PKHD1: variants seen among roughly 807,000 people sequenced by gnomAD.
The protein encoded by PKHD1 is fibrocystin.
In PKHD1, 291 loss-of-function variants were observed where a neutral mutation model predicts 412.0. That is an observed-to-expected ratio of 0.71 (90% CI 0.64 to 0.78). PKHD1 has a LOEUF of 0.78. Ranked by LOEUF, PKHD1 falls within the 30% of genes least tolerant of loss-of-function variation. The probability of loss-of-function intolerance (pLI) is 0.00; values close to 1 mark genes in which losing one functional copy is unlikely to be tolerated. For missense variants in PKHD1, 4,825 were observed against 4,950.7 expected, an observed-to-expected ratio of 0.97 and a Z score of 0.76; for synonymous variants, 1,777 against 1,821.5, an observed-to-expected ratio of 0.98 and a Z score of 0.62.
intron 37 of PKHD1, among the ~76,000 whole-genome samples, chr6:51,913,840 T>TA (rs1038664051): frequency 6.6e-6 from 1 of 152,158 alleles, no homozygotes; most frequent in South Asian, 2.1e-4. Context: ...AATTTTGTCT[T>TA]AAAAAAATGT....
chr6:51,836,373 A>G lies in PKHD1; in HGVS notation c.8173+31T>C, dbSNP rs769654510. 47 of 1,426,456 alleles carry G rather than the reference A, an allele frequency of 3.3e-5. 1 individual carries two copies. The highest frequency in any genetic ancestry group is 3.4e-5 in the South Asian group (3 of 87,380). The allele number at this position is 1,426,456 out of a possible 1,614,324, so 88.4% of individuals were successfully genotyped here. A position where few individuals can be genotyped will look rare whatever the true frequency, so the allele number is the denominator to read the frequency against. On this transcript the variant is annotated intron_variant, in intron 51 of 66. Coordinates refer to ENST00000371117, the MANE Select transcript of PKHD1 (RefSeq NM_138694.4). ...CTACTGGAGGACATTCTGCCATACT[A>G]GACACTTCTACTTCGTGTGTTAATA...
chr6:52,080,355 A>G (rs1252262708), intron 4 of PKHD1, among the ~76,000 whole-genome samples: 1 of 152,166 alleles, frequency 6.6e-6, no homozygotes, highest in Non-Finnish European at 1.5e-5. Flanking sequence ...AAACTAAGAG[A>G]CTTATGTGTA....
rs1244994793 is a variant in PKHD1 at position 51,615,785 on chromosome 6, G to A, written c.*3296C>T. 1 of 152,172 alleles carries A rather than the reference G, an allele frequency of 6.6e-6. No individual in the cohort carries two copies. Among genetic ancestry groups the A allele is most frequent in the Non-Finnish European group, 1.5e-5 (1 of 68,046 alleles). 9.4% of individuals were successfully genotyped at this position (152,172 alleles called of 1,614,324 possible). ...TTGTTGAAAGGGGAAGGCCCTGAGA[G>A]AGCTCAACTGTTCTTGGTCCTTGGT... is the stretch of plus-strand genomic sequence containing the variant. On this transcript the variant is annotated 3_prime_UTR_variant, in exon 67 of 67. Transcript: ENST00000371117.
intron 60 of PKHD1, among the ~76,000 whole-genome samples, chr6:51,688,062 T>C (rs1168875026): frequency 6.6e-6 from 1 of 152,224 alleles, no homozygotes; most frequent in East Asian, 1.9e-4. Context: ...ACATTTTCAC[T>C]CTGATGTACA....
chr6:51,639,617 C>A (rs527495374), intron 63 of PKHD1, among the ~76,000 whole-genome samples: 3 of 152,024 alleles, frequency 2.0e-5, no homozygotes, highest in Admixed American at 6.6e-5. Context: ...AAAACCCTTG[C>A]GTCTTCTAAC....
chr6:51,948,916 C>A (rs1346628279), intron 36 of PKHD1, among the ~76,000 whole-genome samples: 2 of 152,210 alleles, frequency 1.3e-5, no homozygotes, highest in African/African-American at 4.8e-5. Flanking sequence ...GTGTGTCAAA[C>A]CCTTAATGCC....
intron 52 of PKHD1, among the ~76,000 whole-genome samples, chr6:51,815,052 C>T (rs1765235096): frequency 6.6e-6 from 1 of 152,188 alleles, no homozygotes; most frequent in Non-Finnish European, 1.5e-5. Context: ...CGGCCACCCT[C>T]CATCCACCCT....
At chr6:51,896,645 C>G (rs370471952) in intron 43 of PKHD1, among the ~76,000 whole-genome samples, 1 of 151,996 alleles carries the variant, frequency 6.6e-6, no homozygotes, top group Non-Finnish European at 1.5e-5. Context: ...TCACCAGCAA[C>G]GGAACAAAGC....
chr6:52,081,850 C>T (rs1046471466), intron 4 of PKHD1, among the ~76,000 whole-genome samples: 1 of 152,008 alleles, frequency 6.6e-6, no homozygotes, highest in South Asian at 2.1e-4. Context: ...ACTTTATTTA[C>T]TCATGCCTAA....
rs185131725 is a variant in PKHD1, at chr6:51,791,444, C to A, written c.8303-71G>T. Reference sequence around the variant, plus strand: ...ATTACGTGTTTATTCTGGGGTTCTCCCAGCAGTTTGGGAGCTGTGTACAGT... The same window carrying A: ...ATTACGTGTTTATTCTGGGGTTCTCACAGCAGTTTGGGAGCTGTGTACAGT... On this transcript the variant is annotated intron_variant, in intron 52 of 66. Transcript: ENST00000371117. 2.8e-5 allele frequency: 41 copies of A among 1,449,750 alleles called. No individual in the cohort carries two copies. The African/African-American group carries it at 3.8e-4, about 13-fold the overall frequency. The allele number at this position is 1,449,750 out of a possible 1,614,324, so 89.8% of individuals were successfully genotyped here. A position where few individuals can be genotyped will look rare whatever the true frequency, so the allele number is the denominator to read the frequency against.
intron 35 of PKHD1, among the ~76,000 whole-genome samples, chr6:51,976,936 A>G (rs1794519943): frequency 9.1e-6 from 1 of 110,442 alleles, no homozygotes; most frequent in South Asian, 3.9e-4. Context: ...TGATAGAGTG[A>G]GACTCCATAA....
chr6:51,624,132 C>G (rs1190880253), intron 66 of PKHD1, among the ~76,000 whole-genome samples: 1 of 151,994 alleles, frequency 6.6e-6, no homozygotes, highest in Non-Finnish European at 1.5e-5. Flanking sequence ...TCATAGCTCA[C>G]TGCAGCCTCA....
chr6:51,783,398 ATATT>A (rs1487374627), intron 53 of PKHD1, among the ~76,000 whole-genome samples: 1 of 148,310 alleles, frequency 6.7e-6, no homozygotes, highest in Non-Finnish European at 1.5e-5. Flanking sequence ...TTTAAATACT[ATATT>A]TATTTTATAT....
In PKHD1 at chr6:52,028,156, C is replaced by T. The variant is rs907890578; in HGVS notation, c.3560G>A (p.Gly1187Glu). 3 of 1,613,600 alleles carry T rather than the reference C, an allele frequency of 1.9e-6. No individual in the cohort carries two copies. The highest frequency in any genetic ancestry group is 1.3e-5 in the African/African-American group (1 of 75,032). Reference protein sequence around the residue: ...SINGVSIHSQGVDLHIQYLTE... With the variant: ...SINGVSIHSQEVDLHIQYLTE... Reference sequence around the variant, plus strand: ...AAATTAATGCAAGTGGTCACCTCACCCTTGTGAGTGAATGCTGACCCCATT... The same window carrying T: ...AAATTAATGCAAGTGGTCACCTCACTCTTGTGAGTGAATGCTGACCCCATT... Residue 1187 changes from glycine to glutamate, a missense_variant and splice_region_variant, in exon 30 of 67, where the codon GGG (glycine) becomes GAG (glutamate). Gly to Glu is a moderately conservative substitution (Grantham distance 98, BLOSUM62 -2). Coordinates refer to ENST00000371117, the MANE Select transcript of PKHD1 (RefSeq NM_138694.4).
chr6:51,931,079 G>C (rs9370082), intron 37 of PKHD1, among the ~76,000 whole-genome samples: 58,337 of 152,032 alleles, frequency 0.38, 12,004 homozygotes, highest in East Asian at 0.76. Flanking sequence ...ATCTGTTGAA[G>C]GTCATAGCTG....
rs535210707 is a variant in PKHD1, at chr6:52,080,011, G to C, written c.282-3C>G. 1 of 1,552,892 alleles carries C rather than the reference G, an allele frequency of 6.4e-7. No homozygotes were observed. The highest frequency in any genetic ancestry group is 1.4e-5 in the African/African-American group (1 of 73,802). On this transcript the variant is annotated splice_polypyrimidine_tract_variant and splice_region_variant and intron_variant, in intron 4 of 66. Coordinates refer to ENST00000371117, the MANE Select transcript of PKHD1 (RefSeq NM_138694.4). ...CATGTGCTTCAGACAGCACAGATCTGAGGACAGAAAGTGGAAATCCTTATG... is the reference window on the plus strand; with the variant it reads ...CATGTGCTTCAGACAGCACAGATCTCAGGACAGAAAGTGGAAATCCTTATG...
chr6:51,639,559 C>A (rs1476951784), intron 63 of PKHD1, among the ~76,000 whole-genome samples: 1 of 151,504 alleles, frequency 6.6e-6, no homozygotes. Context: ...ATTGCCTGAG[C>A]CTTGGCTTCC....
chr6:51,895,825 C>T (rs1012937817), intron 43 of PKHD1, among the ~76,000 whole-genome samples: 5 of 152,032 alleles, frequency 3.3e-5, no homozygotes, highest in African/African-American at 9.7e-5. Flanking sequence ...GTGCACAAGC[C>T]GAAGCAGGGT....
rs371304141 is a variant in PKHD1, at chr6:51,917,498, A to G, written c.6122-4922T>C. Among the ~76,000 whole-genome samples, 17 of 152,212 alleles carry G rather than the reference A, an allele frequency of 1.1e-4. 1 individual carries two copies. Among genetic ancestry groups the G allele is most frequent in the African/African-American group, 3.6e-4 (15 of 41,550 alleles). On this transcript the variant is annotated intron_variant, in intron 37 of 66. Coordinates refer to ENST00000371117, the MANE Select transcript of PKHD1 (RefSeq NM_138694.4). ...GACAAAAATCAGAAGTGCACTGTGC[A>G]AGGTGCAGTGACACTCAGGGGTGTA... is the stretch of plus-strand genomic sequence containing the variant.
Sources: allele counts gnomAD v4.1 joint callset (sites outside exome capture counted in the v4.1 genomes callset), GRCh38; gene constraint gnomAD v4.1.1; transcripts MANE v1.5; gene names NCBI Gene and HGNC (gene_info 2026-07-23, HGNC 2026-07-21).